Variants in NUP62CL observed in about 807,000 individuals in gnomAD.
The protein encoded by NUP62CL is nucleoporin-62 C-terminal-like protein.
A neutral mutation model predicts 15.3 loss-of-function variants in NUP62CL; 13 were observed. The observed-to-expected ratio is 0.85, with a 90% CI of 0.55 to 1.35. The LOEUF (loss-of-function observed/expected upper bound fraction) is 1.35. NUP62CL is among the 40% of genes most tolerant of loss of function. NUP62CL has a pLI of 0.00. For synonymous variants in NUP62CL, 54 were observed against 49.2 expected, an observed-to-expected ratio of 1.10 and a Z score of -0.41; for missense variants, 123 against 130.6, an observed-to-expected ratio of 0.94 and a Z score of 0.28.
chrX:107,184,277 G>A (rs1193322145), intron 2 of NUP62CL, among the ~76,000 whole-genome samples: 4 of 76,507 alleles, frequency 5.2e-5, no homozygotes, highest in African/African-American at 1.3e-4. Context: ...GAAAAAACCC[G>A]CCTCAGCACA....
intron 3 of NUP62CL, among the ~76,000 whole-genome samples, chrX:107,169,419 T>A (rs777839401): frequency 8.9e-6 from 1 of 112,586 alleles, no homozygotes; most frequent in East Asian, 2.8e-4. Context: ...AGTTCCAATT[T>A]CCTTAAGGTA....
At chrX:107,152,894 C>G (rs1326007758) in intron 7 of NUP62CL, among the ~76,000 whole-genome samples, 2 of 111,923 alleles carry the variant, frequency 1.8e-5, no homozygotes, top group Non-Finnish European at 3.8e-5. Context: ...TTGACAAATA[C>G]AAAAACTTTA....
chrX:107,160,594 C>G (rs1304823141), intron 4 of NUP62CL, among the ~76,000 whole-genome samples: 4 of 111,368 alleles, frequency 3.6e-5, no homozygotes, highest in African/African-American at 1.3e-4. Flanking sequence ...AAAGCTGAAA[C>G]CGGATCCCTT....
intron 8 of NUP62CL, among the ~76,000 whole-genome samples, chrX:107,133,174 G>T (rs1602635166): frequency 9.0e-6 from 1 of 111,272 alleles, no homozygotes; most frequent in Non-Finnish European, 1.9e-5. Context: ...TTCAGAGCCT[G>T]CAATAGTGGG....
At chrX:107,202,245 C>T (rs767594012) in intron 1 of NUP62CL, among the ~76,000 whole-genome samples, 1 of 111,690 alleles carries the variant, frequency 9.0e-6, no homozygotes, top group East Asian at 2.8e-4. Context: ...GTTCATAAGT[C>T]TATTTTTCTG....
intron 8 of NUP62CL, among the ~76,000 whole-genome samples, chrX:107,131,496 G>T (rs1925514807): frequency 8.9e-6 from 1 of 112,355 alleles, no homozygotes; most frequent in Non-Finnish European, 1.9e-5. Context: ...GGAACCATTA[G>T]TGAAATTGAC....
intron 1 of NUP62CL, among the ~76,000 whole-genome samples, chrX:107,199,263 G>A (rs1434902828): frequency 1.8e-5 from 2 of 111,997 alleles, no homozygotes; most frequent in Admixed American, 9.4e-5. Context: ...CTTTCCTAGG[G>A]TCAAGCAACT....
intron 8 of NUP62CL, among the ~76,000 whole-genome samples, chrX:107,142,861 C>A (rs1257221277): frequency 3.6e-5 from 4 of 111,783 alleles, no homozygotes; most frequent in Non-Finnish European, 7.5e-5. Flanking sequence ...AAGTCAACCT[C>A]AAAATAATGT....
chrX:107,144,010 C>CT (rs1037124432), intron 8 of NUP62CL, among the ~76,000 whole-genome samples: 3 of 111,737 alleles, frequency 2.7e-5, no homozygotes, highest in African/African-American at 9.7e-5. Flanking sequence ...AAATACCAGG[C>CT]TTTTTTTCTC....
intron 1 of NUP62CL, among the ~76,000 whole-genome samples, chrX:107,195,565 A>G (rs929156753): frequency 1.8e-4 from 20 of 112,600 alleles, no homozygotes; most frequent in Non-Finnish European, 1.9e-5. Flanking sequence ...GCTGAGATAC[A>G]GCATCTTGAA....
chrX:107,170,124 G>A (rs756503989), intron 3 of NUP62CL, among the ~76,000 whole-genome samples: 4 of 105,285 alleles, frequency 3.8e-5, no homozygotes, highest in Non-Finnish European at 7.7e-5. Context: ...GCGACAGAGC[G>A]AGATTCTGTC....
At chrX:107,178,628 T>C (rs1181220448) in intron 2 of NUP62CL, among the ~76,000 whole-genome samples, 1 of 111,987 alleles carries the variant, frequency 8.9e-6, no homozygotes, top group Non-Finnish European at 1.9e-5. Flanking sequence ...CTTGCACCTA[T>C]TATTGCCTGC....
chrX:107,184,058 C>A (rs1163726329), intron 2 of NUP62CL, among the ~76,000 whole-genome samples: 2 of 109,432 alleles, frequency 1.8e-5, no homozygotes, highest in Admixed American at 2.0e-4. Context: ...GTCCTACTCC[C>A]ATTCTGCAGT....
At position 107,142,097 on chromosome X, in the gene NUP62CL, C is replaced by T. The variant is rs754422205; in HGVS notation, c.*42+5646G>A. Among the ~76,000 whole-genome samples the T allele has an allele frequency of 1.1e-4, 12 of 109,743 alleles. No homozygotes were observed. The South Asian group carries it at 4.8e-3, about 44-fold the overall frequency. ...ATTTTTAAAAAATCTTTCTTGTCTG[C>T]ACCAAAGCTTCTTAAAAAAATCCTA... On this transcript the variant is annotated intron_variant, in intron 8 of 8. Coordinates refer to ENST00000372466, the MANE Select transcript of NUP62CL (RefSeq NM_017681.3).
intron 2 of NUP62CL, among the ~76,000 whole-genome samples, chrX:107,180,911 C>A (rs1271949605): frequency 9.8e-6 from 1 of 102,195 alleles, no homozygotes; most frequent in Non-Finnish European, 2.0e-5. Flanking sequence ...TTTATGGTTT[C>A]GCTTTTTTTT....
At chrX:107,188,768 T>C (rs1927135052) in intron 2 of NUP62CL, among the ~76,000 whole-genome samples, 1 of 111,690 alleles carries the variant, frequency 9.0e-6, no homozygotes, top group Non-Finnish European at 1.9e-5. Flanking sequence ...CTCCAATGTT[T>C]CAGGATACAA....
chrX:107,168,556 C>G (rs1420797850), intron 3 of NUP62CL, among the ~76,000 whole-genome samples: 2 of 111,972 alleles, frequency 1.8e-5, no homozygotes, highest in Non-Finnish European at 3.8e-5. Context: ...CTCATAGTTT[C>G]CTTTGGTTTT....
chrX:107,151,722 T>C lies in NUP62CL; in HGVS notation c.530+1450A>G, dbSNP rs183093685. On this transcript the variant is annotated intron_variant, in intron 7 of 8. Coordinates refer to ENST00000372466, the MANE Select transcript of NUP62CL (RefSeq NM_017681.3). ...TTGCCTACATTATTGAAGATTCTGG[T>C]AAATATTTCATCACAATACAAATCT... Among the ~76,000 whole-genome samples the C allele has an allele frequency of 5.5e-5, 6 of 109,560 alleles. No homozygotes were observed. In the East Asian group the frequency reaches 1.7e-3, roughly 32 times the overall value.
intron 1 of NUP62CL, among the ~76,000 whole-genome samples, chrX:107,201,450 C>A (rs915151288): frequency 9.0e-6 from 1 of 111,228 alleles, no homozygotes; most frequent in African/African-American, 3.3e-5. Context: ...GGAATCATAA[C>A]AATATTTGCA....
Sources: gnomAD v4.1 joint callset for allele counts (sites outside exome capture counted in the v4.1 genomes callset) on GRCh38, gnomAD v4.1.1 for gene constraint, MANE v1.5 for transcripts, NCBI Gene and HGNC (gene_info 2026-07-23, HGNC 2026-07-21) for gene names.